RAD54L2: variants seen among roughly 807,000 people sequenced by gnomAD.
RAD54L2 encodes helicase ARIP4.
A neutral mutation model predicts 138.4 loss-of-function variants in RAD54L2; 27 were observed. That is an observed-to-expected ratio of 0.20 (90% CI 0.14 to 0.27). The LOEUF is 0.27. RAD54L2 is among the 10% of genes least tolerant of loss of function. The pLI, the probability that RAD54L2 is intolerant of heterozygous loss-of-function variation, is 1.00. For synonymous variants in RAD54L2, 644 were observed against 723.2 expected, an observed-to-expected ratio of 0.89 and a Z score of 1.76; for missense variants, 1,396 against 1,890.2, an observed-to-expected ratio of 0.74 and a Z score of 4.85.
Position 51,637,571 on chromosome 3 carries a change from C to T in RAD54L2, c.1682+68C>T, listed in dbSNP as rs1407182368. Reference sequence around the variant, plus strand: ...CCCTGTTGCCAAGGGCATGCCAAACCTGTTATACAGGATAGGGTGTTGGAG... The same window carrying T: ...CCCTGTTGCCAAGGGCATGCCAAACTTGTTATACAGGATAGGGTGTTGGAG... On this transcript the variant is annotated intron_variant, in intron 11 of 22. Coordinates refer to ENST00000684192, the MANE Select transcript of RAD54L2 (RefSeq NM_015106.4). The surrounding 1 kb of genome is among the most constrained non-coding windows in gnomAD (Gnocchi z 5.9). 2.1e-6 allele frequency: 3 copies of T among 1,460,108 alleles called. No individual in the cohort carries two copies. The African/African-American group carries it at 4.2e-5, about 20-fold the overall frequency. The allele number at this position is 1,460,108 out of a possible 1,614,324, so 90.4% of individuals were successfully genotyped here. A position where few individuals can be genotyped will look rare whatever the true frequency, so the allele number is the denominator to read the frequency against.
intron 3 of RAD54L2, among the ~76,000 whole-genome samples, chr3:51,612,757 A>C (rs1353092093): frequency 6.6e-6 from 1 of 151,362 alleles, no homozygotes; most frequent in Non-Finnish European, 1.5e-5. Flanking sequence ...CCATTGTTTC[A>C]TAGTCATTTA....
At position 51,605,720 on chromosome 3, in the gene RAD54L2, G is replaced by A. The variant is rs947030382; in HGVS notation, c.139+15161G>A. Among the ~76,000 whole-genome samples the A allele has an allele frequency of 2.0e-5, 3 of 152,136 alleles. No homozygotes were observed. In the East Asian group the frequency reaches 5.8e-4, roughly 29 times the overall value. ...ACCCGCCTCGGCCTCCCAAAGTTCT[G>A]GGATTACAGGCATGGGTCACTGCGC... On this transcript the variant is annotated intron_variant, in intron 3 of 22. Coordinates refer to ENST00000684192, the MANE Select transcript of RAD54L2 (RefSeq NM_015106.4).
chr3:51,634,148 G>A, intron 9 of RAD54L2, 113 bp downstream of exon 9: 2 of 1,308,264 alleles, frequency 1.5e-6, no homozygotes, highest in Non-Finnish European at 1.0e-6. Flanking sequence ...TTTGTTTTTG[G>A]TTTCCTGATG....
At chr3:51,571,770 G>A (rs1212969170) in intron 2 of RAD54L2, among the ~76,000 whole-genome samples, 1 of 152,094 alleles carries the variant, frequency 6.6e-6, no homozygotes, top group Non-Finnish European at 1.5e-5. Context: ...TTTGACAGAT[G>A]CCCCTTCTTC....
intron 2 of RAD54L2, among the ~76,000 whole-genome samples, chr3:51,562,970 G>A (rs1699131180): frequency 6.6e-6 from 1 of 152,036 alleles, no homozygotes; most frequent in Non-Finnish European, 1.5e-5. Flanking sequence ...TCATTCCCAG[G>A]CAATACCTCT....
intron 3 of RAD54L2, 24 bp from the exon 4 acceptor site, chr3:51,627,529 A>G (rs1207669607): frequency 1.9e-6 from 3 of 1,547,646 alleles, no homozygotes; most frequent in South Asian, 1.2e-5. Context: ...CTATAAAGCA[A>G]TGTCTTTCCC....
chr3:51,635,292 T>A (rs1012219744), intron 9 of RAD54L2, among the ~76,000 whole-genome samples: 2 of 152,220 alleles, frequency 1.3e-5, no homozygotes, highest in Non-Finnish European at 2.9e-5. Flanking sequence ...TGCCTGAATA[T>A]CCAAGGGGGT....
chr3:51,592,861 C>T (rs1577409399), intron 3 of RAD54L2, among the ~76,000 whole-genome samples: 1 of 151,936 alleles, frequency 6.6e-6, no homozygotes, highest in Non-Finnish European at 1.5e-5. Flanking sequence ...AGGCGTGATC[C>T]ACACCCGGCC....
At position 51,552,513 on chromosome 3, in the gene RAD54L2, C is replaced by T. The variant is rs924129855; in HGVS notation, c.-55+10863C>T. Reference sequence around the variant, plus strand: ...TCCTGACCTCATGATCCACCTGCCTCGGCTTCCCAAAGTGTTGGGATTACA... The same window carrying T: ...TCCTGACCTCATGATCCACCTGCCTTGGCTTCCCAAAGTGTTGGGATTACA... On this transcript the variant is annotated intron_variant, in intron 2 of 22. Transcript: ENST00000684192. 6.0e-5 allele frequency among the ~76,000 whole-genome samples: 9 copies of T among 150,608 alleles called. No homozygotes were observed. In the South Asian group the frequency reaches 6.3e-4, roughly 11 times the overall value.
chr3:51,646,256 A>G (rs1430631117), intron 18 of RAD54L2, 29 bp from the exon 19 acceptor site: 1 of 1,545,422 alleles, frequency 6.5e-7, no homozygotes, highest in African/African-American at 1.4e-5. Flanking sequence ...CATGTTGGTA[A>G]CTAAATCAAC....
intron 3 of RAD54L2, among the ~76,000 whole-genome samples, chr3:51,593,408 C>T (rs948704428): frequency 3.3e-5 from 5 of 151,600 alleles, no homozygotes; most frequent in African/African-American, 1.2e-4. Flanking sequence ...TCTCGGCTCA[C>T]TGCAACCTCT....
rs143648072 is a variant in RAD54L2 at position 51,634,003 on chromosome 3, C to T, written c.1110C>T (p.Phe370=). The change falls in exon 9 of 23, where the codon TTC becomes TTT. Residue 370 remains phenylalanine, a synonymous_variant. Transcript: ENST00000684192. ...AGCCTGAAGAAGTCCAGCCTCGGTT[C>T]TTTAAAGTTCACATCTTGAATGATG... ...DNKPEEVQPR[F]FKVHILNDEH... The T allele has an allele frequency of 2.3e-4, 370 of 1,613,878 alleles. No individual in the cohort carries two copies. Among genetic ancestry groups the T allele is most frequent in the Non-Finnish European group, 2.9e-4 (346 of 1,179,892 alleles).
intron 19 of RAD54L2, among the ~76,000 whole-genome samples, chr3:51,647,669 CA>C (rs988848200): frequency 1.3e-5 from 2 of 151,386 alleles, no homozygotes; most frequent in African/African-American, 2.4e-5. Context: ...AACTCCGTCT[CA>C]AAAAAAAATT....
intron 3 of RAD54L2, among the ~76,000 whole-genome samples, chr3:51,618,028 G>A (rs975546083): frequency 2.0e-5 from 3 of 151,450 alleles, no homozygotes; most frequent in East Asian, 1.9e-4. Flanking sequence ...GTGCTATCTC[G>A]CCTCATTACA....
chr3:51,575,323 C>T lies in RAD54L2; in HGVS notation c.-54-15044C>T, dbSNP rs1699454038. 3.9e-5 allele frequency among the ~76,000 whole-genome samples: 6 copies of T among 152,236 alleles called. No homozygotes were observed. The South Asian group carries it at 1.2e-3, about 32-fold the overall frequency. ...TTCTTTTTGCTTAGGATTGTCTTGGCAATGCAGGCTCTTTTTTGGTTCCAT... is the reference window on the plus strand; with the variant it reads ...TTCTTTTTGCTTAGGATTGTCTTGGTAATGCAGGCTCTTTTTTGGTTCCAT... On this transcript the variant is annotated intron_variant, in intron 2 of 22. Transcript: ENST00000684192.
chr3:51,602,028 C>T (rs552327722), intron 3 of RAD54L2, among the ~76,000 whole-genome samples: 1 of 152,026 alleles, frequency 6.6e-6, no homozygotes, highest in Admixed American at 6.6e-5. Flanking sequence ...GACGCGGTTT[C>T]ACCATGTTGG....
chr3:51,619,945 T>C (rs552678984), intron 3 of RAD54L2, among the ~76,000 whole-genome samples: 1 of 152,336 alleles, frequency 6.6e-6, no homozygotes, highest in East Asian at 1.9e-4. Context: ...GCTGTTGTCC[T>C]CTGTATTTTT....
At chr3:51,611,540 C>A (rs1189622825) in intron 3 of RAD54L2, 7 of 151,548 alleles carry the variant, frequency 4.6e-5, no homozygotes, top group African/African-American at 1.7e-4. Flanking sequence ...GGAGTGTTAA[C>A]CTTTTCTCCT....
At chr3:51,658,153 C>T (rs991917928) in intron 21 of RAD54L2, among the ~76,000 whole-genome samples, 4 of 151,214 alleles carry the variant, frequency 2.6e-5, no homozygotes, top group Non-Finnish European at 5.9e-5. Context: ...AGGATGGTCT[C>T]GATTTCTTGA....
Sources: allele counts gnomAD v4.1 joint callset (sites outside exome capture counted in the v4.1 genomes callset), GRCh38; gene constraint gnomAD v4.1.1; non-coding constraint Gnocchi (gnomAD v3.1); transcripts MANE v1.5; gene names NCBI Gene and HGNC (gene_info 2026-07-23, HGNC 2026-07-21).